The following PVALEF variants were observed in gnomAD, a reference collection of about 807,000 sequenced individuals.
The protein encoded by PVALEF is parvalbumin like EF-hand containing.
Under a neutral mutation model 1.2 loss-of-function variants are expected in PVALEF, and 2 were observed. The observed-to-expected ratio is 1.68, with a 90% CI of 0.69 to 5.28. The LOEUF (loss-of-function observed/expected upper bound fraction) is 5.28, where lower values mean the gene tolerates loss of function less well. Ranked by LOEUF, PVALEF falls within the 30% of genes most tolerant of loss-of-function variation. PVALEF has a pLI of 0.06. For synonymous variants in PVALEF, 16 were observed against 6.5 expected (o/e 2.47, Z -2.24); for missense variants, 35 against 17.7 (o/e 1.97, Z -1.75).
chr17:81,165,871 G>A, intron 1 of PVALEF, 124 bp downstream of exon 1: 1 of 1,545,014 alleles, frequency 6.5e-7, no homozygotes, highest in Non-Finnish European at 8.7e-7. Flanking sequence ...GAGCCGTGGG[G>A]CCCAGGGGCA....
intron 2 of PVALEF, among the ~76,000 whole-genome samples, chr17:81,174,948 CAAA>C (rs35163275): frequency 7.6e-6 from 1 of 131,682 alleles, no homozygotes. Context: ...GACTCCGTCT[CAAA>C]AAAAAAAAAA....
intron 1 of PVALEF, chr17:81,165,991 A>G: frequency 6.3e-7 from 1 of 1,576,224 alleles, no homozygotes; most frequent in East Asian, 2.4e-5. Context: ...GGACGACGAC[A>G]TGGCCGGGCC....
chr17:81,176,190 C>T (rs751179608), intron 2 of PVALEF, among the ~76,000 whole-genome samples: 52 of 152,126 alleles, frequency 3.4e-4, no homozygotes, highest in Non-Finnish European at 6.2e-4. Flanking sequence ...GAGAAGATGC[C>T]GACCATCACT....
chr17:81,174,500 C>A (rs933505467), intron 2 of PVALEF, among the ~76,000 whole-genome samples: 1 of 151,740 alleles, frequency 6.6e-6, no homozygotes, highest in Non-Finnish European at 1.5e-5. Context: ...TGTGATGGCA[C>A]GCGCCTGTAG....
chr17:81,166,103 C>T, intron 1 of PVALEF: 1 of 577,360 alleles, frequency 1.7e-6, no homozygotes, highest in Non-Finnish European at 2.2e-6. Context: ...GCGGAGCGCG[C>T]CGGCCCCCGC....
At position 81,176,272 on chromosome 17, in the gene PVALEF, G is replaced by A. The variant is rs564472177; in HGVS notation, c.-339-2646G>A. On this transcript the variant is annotated intron_variant, in intron 2 of 6. Coordinates refer to ENST00000637878, the MANE Select transcript of PVALEF (RefSeq NM_001354639.2). Reference sequence around the variant, plus strand: ...GGTGGCTCATGCCTGTAATCCCAGCGCTTTGGGAGGCCAAACTGGGCGGAT... The same window carrying A: ...GGTGGCTCATGCCTGTAATCCCAGCACTTTGGGAGGCCAAACTGGGCGGAT... 4.6e-5 allele frequency among the ~76,000 whole-genome samples: 7 copies of A among 151,882 alleles called. No homozygotes were observed. In the East Asian group the frequency reaches 1.2e-3, roughly 25 times the overall value.
At chr17:81,175,321 T>C (rs1409449958) in intron 2 of PVALEF, among the ~76,000 whole-genome samples, 1 of 152,234 alleles carries the variant, frequency 6.6e-6, no homozygotes. Context: ...AATCCTATGT[T>C]CATGGATTGA....
rs149621126 is a variant in PVALEF, at chr17:81,183,100, G to A, written c.*89G>A. 4.6e-3 allele frequency: 1,822 copies of A among 398,636 alleles called. 27 individuals carry two copies. Among genetic ancestry groups the A allele is most frequent in the African/African-American group, 0.034 (1,667 of 48,770 alleles). The allele number at this position is 398,636 out of a possible 1,614,324, so 24.7% of individuals were successfully genotyped here. A position where few individuals can be genotyped will look rare whatever the true frequency, so the allele number is the denominator to read the frequency against. ...GGGCAGAAGCCGTTGGGGCCGGTAA[G>A]AGGCGGCAGCCGTGAGGGTGGACCC... On this transcript the variant is annotated 3_prime_UTR_variant, in exon 7 of 7. Transcript: ENST00000637878.
rs553223833 is a variant in PVALEF, at chr17:81,172,056, G to A, written c.-340+5212G>A. ...ATGGAATCACATGGTATGTGGGGGC[G>A]TCTGCCACGCTTCCCTCAGTGGGAT... On this transcript the variant is annotated intron_variant, in intron 2 of 6. Transcript: ENST00000637878. 7.2e-5 allele frequency among the ~76,000 whole-genome samples: 11 copies of A among 152,312 alleles called. No homozygotes were observed. In the South Asian group the frequency reaches 2.1e-3, roughly 29 times the overall value.
chr17:81,169,828 GTC>G (rs2061512449), intron 2 of PVALEF, among the ~76,000 whole-genome samples: 1 of 146,770 alleles, frequency 6.8e-6, no homozygotes, highest in Admixed American at 6.7e-5. Context: ...GTCTGTGTGT[GTC>G]TGTCTTGGTA....
chr17:81,165,772 C>G, intron 1 of PVALEF, 25 bp downstream of exon 1: 1 of 1,510,124 alleles, frequency 6.6e-7, no homozygotes, highest in South Asian at 1.2e-5. Context: ...CCAGGGCCTG[C>G]CCCTCCGAGA....
At chr17:81,180,569 G>T (rs2061550391) in intron 3 of PVALEF, among the ~76,000 whole-genome samples, 1 of 152,158 alleles carries the variant, frequency 6.6e-6, no homozygotes, top group African/African-American at 2.4e-5. Context: ...CTTCCCTCCT[G>T]GCTCCTCGCA....
intron 2 of PVALEF, among the ~76,000 whole-genome samples, chr17:81,170,366 CGT>C (rs935220079): frequency 2.0e-5 from 3 of 151,182 alleles, no homozygotes; most frequent in African/African-American, 4.9e-5. Flanking sequence ...TGTGTCTGTG[CGT>C]GTGTGTGTGT....
chr17:81,179,895 G>T (rs2061547933), intron 3 of PVALEF, among the ~76,000 whole-genome samples: 1 of 152,194 alleles, frequency 6.6e-6, no homozygotes, highest in Non-Finnish European at 1.5e-5. Context: ...AAGGGAGTGG[G>T]GAAACAGAGG....
intron 2 of PVALEF, among the ~76,000 whole-genome samples, chr17:81,170,398 T>C (rs2061516909): frequency 6.6e-6 from 1 of 152,038 alleles, no homozygotes; most frequent in Non-Finnish European, 1.5e-5. Context: ...CCTCTCGTTA[T>C]CAGGCCCCAG....
chr17:81,182,663 G>A (rs777461758), intron 6 of PVALEF, among the ~76,000 whole-genome samples: 5 of 152,228 alleles, frequency 3.3e-5, no homozygotes, highest in Non-Finnish European at 5.9e-5. Flanking sequence ...TGCTCTCAGA[G>A]GGTCTGGTGG....
chr17:81,166,203 G>T (rs979435555), intron 1 of PVALEF: 1 of 153,854 alleles, frequency 6.5e-6, no homozygotes, highest in African/African-American at 2.5e-5. Flanking sequence ...GGCGCCGCGG[G>T]GCTCCGCTGG....
At chr17:81,171,904 A>C (rs2061521975) in intron 2 of PVALEF, among the ~76,000 whole-genome samples, 1 of 152,192 alleles carries the variant, frequency 6.6e-6, no homozygotes, top group African/African-American at 2.4e-5. Flanking sequence ...TGGGTCCAGA[A>C]CATTCTCACC....
rs1180379698 is a variant in PVALEF, at chr17:81,166,835, A to G, written c.-349A>G. The G allele has an allele frequency of 4.5e-6, 2 of 447,794 alleles. No homozygotes were observed. Among genetic ancestry groups the G allele is most frequent in the South Asian group, 1.6e-5 (1 of 63,566 alleles). The allele number at this position is 447,794 out of a possible 1,614,324, so 27.7% of individuals were successfully genotyped here. ...CTGGCTGAGTCTCCACCTGCCGTGG[A>G]CTGTACCAGGTGCTTAGGGCAGCAG... is the stretch of plus-strand genomic sequence containing the variant. On this transcript the variant is annotated 5_prime_UTR_variant, in exon 2 of 7. Transcript: ENST00000637878.
Sources: allele counts gnomAD v4.1 joint callset (sites outside exome capture counted in the v4.1 genomes callset), GRCh38; gene constraint gnomAD v4.1.1; transcripts MANE v1.5; gene names NCBI Gene and HGNC (gene_info 2026-07-23, HGNC 2026-07-21).